The following SEMA6A variants were observed in gnomAD, a reference collection of about 807,000 sequenced individuals.
SEMA6A encodes the protein semaphorin 6A.
A neutral mutation model predicts 96.8 loss-of-function variants in SEMA6A; 25 were observed. That is an observed-to-expected ratio of 0.26 (90% CI 0.19 to 0.36). The LOEUF (loss-of-function observed/expected upper bound fraction) is 0.36, where lower values mean the gene tolerates loss of function less well. SEMA6A is among the 10% of genes least tolerant of loss of function. The pLI is 1.00. For missense variants in SEMA6A, 1,363 were observed against 1,323.1 expected (o/e 1.03, Z -0.47); for synonymous variants, 612 against 518.0 (o/e 1.18, Z -2.46).
intron 17 of SEMA6A, chr5:116,472,224 T>C (rs983166012): frequency 6.6e-6 from 1 of 152,212 alleles, no homozygotes; most frequent in African/African-American, 2.4e-5. Context: ...ATATTCTGTT[T>C]ATGGGCTTAG....
rs1757548871 is a variant in SEMA6A at position 116,495,506 on chromosome 5, G to A, written c.351C>T (p.Cys117=). 1 of 1,592,492 alleles carries A rather than the reference G, an allele frequency of 6.3e-7. No individual in the cohort carries two copies. Among genetic ancestry groups the A allele is most frequent in the Admixed American group, 1.7e-5 (1 of 57,274 alleles). The change falls in exon 6 of 19, where the codon TGC becomes TGT. Residue 117 remains cysteine, a synonymous_variant. Transcript: ENST00000343348. Reference sequence around the variant, plus strand: ...TTAGAAGAACTTTAATAAAGTTGTGGCACTCATCCTGAAAAATAATTCAAA... The same window carrying A: ...TTAGAAGAACTTTAATAAAGTTGTGACACTCATCCTGAAAAATAATTCAAA... The part of the protein sequence containing the change: ...CRMKGKHKDE[C]HNFIKVLLKK...
intron 1 of SEMA6A, among the ~76,000 whole-genome samples, chr5:116,535,539 G>A (rs1394605374): frequency 6.6e-6 from 1 of 152,174 alleles, no homozygotes; most frequent in African/African-American, 2.4e-5. Context: ...CCACAGTTAT[G>A]CTAACTGTCC....
intron 18 of SEMA6A, among the ~76,000 whole-genome samples, chr5:116,462,811 C>A (rs1755495848): frequency 2.0e-5 from 3 of 152,148 alleles, no homozygotes. Context: ...TACACAGTCA[C>A]CTAAACTTTG....
At chr5:116,492,118 A>T (rs1274558366) in intron 6 of SEMA6A, among the ~76,000 whole-genome samples, 2 of 152,162 alleles carry the variant, frequency 1.3e-5, no homozygotes, top group Admixed American at 1.3e-4. Flanking sequence ...ATACCAACCA[A>T]GAGCTTTTTG....
chr5:116,449,176 C>A, intron 18 of SEMA6A: 1 of 576,878 alleles, frequency 1.7e-6, no homozygotes, highest in South Asian at 2.2e-5. Context: ...TTGATGCAGT[C>A]GCTAAAAAAT....
intron 18 of SEMA6A, among the ~76,000 whole-genome samples, chr5:116,458,712 T>C (rs1035943720): frequency 1.4e-4 from 21 of 152,190 alleles, no homozygotes. Context: ...AACAGCTTTC[T>C]ACATGGCTGA....
intron 1 of SEMA6A, among the ~76,000 whole-genome samples, chr5:116,524,239 A>G (rs896687011): frequency 6.6e-6 from 1 of 152,190 alleles, no homozygotes; most frequent in African/African-American, 2.4e-5. Context: ...CTGCACGAGG[A>G]AGCCTATCTC....
At chr5:116,543,262 A>T (rs1416858576) in intron 1 of SEMA6A, among the ~76,000 whole-genome samples, 1 of 151,802 alleles carries the variant, frequency 6.6e-6, no homozygotes, top group African/African-American at 2.4e-5. Flanking sequence ...GTCCAGTAAA[A>T]CCTCCTCCCC....
intron 3 of SEMA6A, among the ~76,000 whole-genome samples, chr5:116,499,418 T>TTGGCCGGGGGG (rs1216467067): frequency 7.8e-6 from 1 of 127,522 alleles, no homozygotes; most frequent in East Asian, 2.7e-4. Flanking sequence ...CGGGCGGGGG[T>TTGGCCGGGGGG]TGGCCGGGGG....
chr5:116,488,082 G>A, intron 9 of SEMA6A, 26 bp downstream of exon 9: 2 of 1,452,018 alleles, frequency 1.4e-6, no homozygotes, highest in Non-Finnish European at 1.9e-6. Flanking sequence ...GTTACAAACT[G>A]AGCCAAGGAC....
In SEMA6A at chr5:116,504,756, A is replaced by G; in HGVS notation, c.100+89T>C. 3.9e-6 allele frequency: 4 copies of G among 1,021,286 alleles called. 1 individual carries two copies. The highest frequency in any genetic ancestry group is 4.1e-5 in the Admixed American group (2 of 48,754). 63.3% of individuals were successfully genotyped at this position (1,021,286 alleles called of 1,614,324 possible). On this transcript the variant is annotated intron_variant, in intron 2 of 18. Transcript: ENST00000343348. Reference sequence around the variant, plus strand: ...AGAGGACTAATAAGTCACCTATTCTATTTCATTTTTCAGTTTTATTTTTTG... The same window carrying G: ...AGAGGACTAATAAGTCACCTATTCTGTTTCATTTTTCAGTTTTATTTTTTG...
intron 18 of SEMA6A, among the ~76,000 whole-genome samples, chr5:116,452,852 G>A (rs923870142): frequency 3.3e-5 from 5 of 152,146 alleles, no homozygotes; most frequent in African/African-American, 1.2e-4. Context: ...CATCTTTGTG[G>A]CTGCCTTCAG....
At chr5:116,488,308 T>C (rs1757163225) in intron 8 of SEMA6A, 112 bp from the exon 9 acceptor site, 2 of 704,376 alleles carry the variant, frequency 2.8e-6, no homozygotes. Flanking sequence ...CCATTAGACA[T>C]TTGGTTAACA....
intron 1 of SEMA6A, among the ~76,000 whole-genome samples, chr5:116,520,255 C>CTTTT (rs60534452): frequency 7.4e-6 from 1 of 135,376 alleles, no homozygotes; most frequent in Non-Finnish European, 1.6e-5. Context: ...CAGCCTGATG[C>CTTTT]TTTTTTTTTT....
chr5:116,516,523 T>C (rs900971117), intron 1 of SEMA6A, among the ~76,000 whole-genome samples: 1 of 152,232 alleles, frequency 6.6e-6, no homozygotes, highest in Non-Finnish European at 1.5e-5. Flanking sequence ...ATATCTTTAT[T>C]GGCTTTGCTC....
intron 1 of SEMA6A, among the ~76,000 whole-genome samples, chr5:116,519,520 G>A (rs919522152): frequency 2.6e-5 from 4 of 152,124 alleles, no homozygotes; most frequent in African/African-American, 9.7e-5. Context: ...CTTTAGAAAT[G>A]GCTGAGTTTC....
intron 1 of SEMA6A, among the ~76,000 whole-genome samples, chr5:116,552,743 T>A (rs1760467930): frequency 6.6e-6 from 1 of 152,220 alleles, no homozygotes; most frequent in Non-Finnish European, 1.5e-5. Flanking sequence ...GAAGTGTTAC[T>A]AATGGGGCAC....
chr5:116,480,414 C>G, intron 11 of SEMA6A, 137 bp from the exon 12 acceptor site: 1 of 1,004,634 alleles, frequency 1.0e-6, no homozygotes, highest in Non-Finnish European at 1.5e-6. Context: ...TTGAACAATG[C>G]AGAATGCCAC....
chr5:116,467,513 G>T, intron 18 of SEMA6A, 70 bp downstream of exon 18: 1 of 1,446,444 alleles, frequency 6.9e-7, no homozygotes, highest in Non-Finnish European at 9.2e-7. Context: ...TCAGCTGGAA[G>T]CAGTTACACA....
Sources: gnomAD v4.1 joint callset for allele counts (sites outside exome capture counted in the v4.1 genomes callset) on GRCh38, gnomAD v4.1.1 for gene constraint, MANE v1.5 for transcripts, NCBI Gene and HGNC (gene_info 2026-07-23, HGNC 2026-07-21) for gene names.